Variants in SLC7A2 observed in about 807,000 individuals in gnomAD.
SLC7A2 encodes the protein solute carrier family 7 member 2.
A neutral mutation model predicts 58.9 loss-of-function variants in SLC7A2; 48 were observed. The ratio of observed to expected loss-of-function variants is 0.82; its 90% CI spans 0.65 to 1.04. SLC7A2 has a LOEUF of 1.04. Among genes scored for constraint, SLC7A2 ranks in the 50% least tolerant of loss-of-function variants. SLC7A2 has a pLI of 0.00. For synonymous variants in SLC7A2, 363 were observed against 314.5 expected (o/e 1.15, Z -1.63); for missense variants, 1,029 against 818.8 (o/e 1.26, Z -3.13).
At chr8:17,540,447 AC>A (rs1357378190) in intron 2 of SLC7A2, among the ~76,000 whole-genome samples, 2 of 152,066 alleles carry the variant, frequency 1.3e-5, no homozygotes, top group African/African-American at 4.8e-5. Context: ...CCCATAAAAT[AC>A]TTTTCATCTT....
At chr8:17,560,555 C>T (rs1802923010) in intron 10 of SLC7A2, 22 bp downstream of exon 10, 3 of 1,579,272 alleles carry the variant, frequency 1.9e-6, no homozygotes, top group Non-Finnish European at 2.6e-6. Flanking sequence ...TCTCTGCTTA[C>T]ATTGTACAGA....
At position 17,511,622 on chromosome 8, in the gene SLC7A2, C is replaced by T. The variant is rs895476890; in HGVS notation, c.-23+9320C>T. On this transcript the variant is annotated intron_variant, in intron 2 of 12. Coordinates refer to ENST00000494857, the MANE Select transcript of SLC7A2 (RefSeq NM_001370338.1). ...CAAGTAATATAATCTATCGCTAAACCATTAAACATTATACATTAACATATT... is the reference window on the plus strand; with the variant it reads ...CAAGTAATATAATCTATCGCTAAACTATTAAACATTATACATTAACATATT... 8.5e-4 allele frequency among the ~76,000 whole-genome samples: 130 copies of T among 152,216 alleles called. 1 individual carries two copies. Among genetic ancestry groups the T allele is most frequent in the African/African-American group, 3.0e-3 (123 of 41,514 alleles).
chr8:17,508,980 G>A (rs1800485252), intron 2 of SLC7A2, among the ~76,000 whole-genome samples: 1 of 152,090 alleles, frequency 6.6e-6, no homozygotes, highest in African/African-American at 2.4e-5. Flanking sequence ...AGCTCCTGTG[G>A]CGTGTGTTGG....
At chr8:17,527,596 G>A (rs969345911) in intron 2 of SLC7A2, among the ~76,000 whole-genome samples, 1 of 152,158 alleles carries the variant, frequency 6.6e-6, no homozygotes, top group Non-Finnish European at 1.5e-5. Flanking sequence ...AAACCTGCAG[G>A]GGAGGGTCAT....
intron 2 of SLC7A2, among the ~76,000 whole-genome samples, chr8:17,518,037 G>C (rs912258626): frequency 2.6e-5 from 4 of 152,078 alleles, no homozygotes; most frequent in African/African-American, 9.7e-5. Flanking sequence ...GTTAAATAAA[G>C]TAAGTCAAGA....
At chr8:17,499,451 C>T (rs1442221965) in intron 1 of SLC7A2, among the ~76,000 whole-genome samples, 2 of 150,896 alleles carry the variant, frequency 1.3e-5, no homozygotes, top group African/African-American at 4.9e-5. Flanking sequence ...GAGCCATCTG[C>T]TGGTTTTACT....
intron 1 of SLC7A2, among the ~76,000 whole-genome samples, chr8:17,498,109 G>C (rs770154875): frequency 5.3e-5 from 8 of 152,146 alleles, no homozygotes; most frequent in Non-Finnish European, 1.2e-4. Flanking sequence ...AAAGTACTCA[G>C]CCTCTTCAGA....
chr8:17,514,392 A>T (rs1451767568), intron 2 of SLC7A2, among the ~76,000 whole-genome samples: 1 of 152,044 alleles, frequency 6.6e-6, no homozygotes, highest in Non-Finnish European at 1.5e-5. Flanking sequence ...AGCCCAGAAA[A>T]CCCGTGTTTT....
At chr8:17,548,608 A>G (rs1802288825) in intron 4 of SLC7A2, 70 bp from the exon 5 acceptor site, 1 of 1,076,682 alleles carries the variant, frequency 9.3e-7, no homozygotes, top group African/African-American at 1.6e-5. Context: ...TCCTAAAGTC[A>G]TGTATTTGCC....
At chr8:17,538,205 A>T (rs1236361569) in intron 2 of SLC7A2, among the ~76,000 whole-genome samples, 1 of 152,238 alleles carries the variant, frequency 6.6e-6, no homozygotes, top group Non-Finnish European at 1.5e-5. Flanking sequence ...GGGAGAAAAT[A>T]TCAATGGTTT....
intron 2 of SLC7A2, among the ~76,000 whole-genome samples, chr8:17,541,477 T>C (rs1801908533): frequency 6.6e-6 from 1 of 152,224 alleles, no homozygotes; most frequent in African/African-American, 2.4e-5. Flanking sequence ...GCACAGAAGA[T>C]ACTGAAGATG....
At chr8:17,528,371 C>T (rs1440142623) in intron 2 of SLC7A2, among the ~76,000 whole-genome samples, 1 of 151,962 alleles carries the variant, frequency 6.6e-6, no homozygotes, top group Non-Finnish European at 1.5e-5. Flanking sequence ...TCGGTGTGGC[C>T]ATTACGCTTT....
At chr8:17,564,509 C>T (rs1377673055) in intron 12 of SLC7A2, among the ~76,000 whole-genome samples, 1 of 152,050 alleles carries the variant, frequency 6.6e-6, no homozygotes, top group Non-Finnish European at 1.5e-5. Context: ...GCACCAGGGA[C>T]GGGTTTTGTG....
At position 17,550,308 on chromosome 8, in the gene SLC7A2, C is replaced by A. The variant is rs568837765; in HGVS notation, c.706C>A (p.Pro236Thr). The A allele has an allele frequency of 1.2e-6, 2 of 1,613,682 alleles. No individual in the cohort carries two copies. Among genetic ancestry groups the A allele is most frequent in the East Asian group, 2.2e-5 (1 of 44,886 alleles). The change falls in exon 6 of 13, where the codon CCT becomes ACT. Residue 236 changes from proline to threonine, a missense_variant. Pro to Thr is a conservative substitution (Grantham distance 38). Coordinates refer to ENST00000494857, the MANE Select transcript of SLC7A2 (RefSeq NM_001370338.1). ...KNISASAREP[P>T]SENGTSIYGA... ...GTTTGTTCTCTTTCTTAGAGAGCCA[C>A]CTTCTGAAAACGGAACAAGTATCTA...
At chr8:17,509,792 A>G (rs1288206466) in intron 2 of SLC7A2, among the ~76,000 whole-genome samples, 1 of 152,212 alleles carries the variant, frequency 6.6e-6, no homozygotes, top group Admixed American at 6.5e-5. Flanking sequence ...GGAATCTTCC[A>G]CGTCTCTAAA....
In SLC7A2 at chr8:17,560,354, A is replaced by C. The variant is rs779653458; in HGVS notation, c.1325A>C (p.Gln442Pro). ...TACCAGCCTGGCTTATCTTACGACC[A>C]GCCCAAATGTTCTCCTGAGAAAGAT... ...LRYQPGLSYD[Q>P]PKCSPEKDGL... The change falls in exon 10 of 13, where the codon CAG (glutamine) becomes CCG (proline). Residue 442 changes from glutamine (Q) to proline (P), a missense_variant. Coordinates refer to ENST00000494857, the MANE Select transcript of SLC7A2 (RefSeq NM_001370338.1). 6.2e-7 allele frequency: 1 copy of C among 1,614,142 alleles called. No homozygotes were observed. The highest frequency in any genetic ancestry group is 1.1e-5 in the South Asian group (1 of 91,080).
chr8:17,536,639 C>G lies in SLC7A2; in HGVS notation c.-22-6679C>G, dbSNP rs73666183. Reference sequence around the variant, plus strand: ...CTGTGGGTAAAGGGCAGAACTAATGCAGGCTAAACACTTTAAGTACGGTAT... The same window carrying G: ...CTGTGGGTAAAGGGCAGAACTAATGGAGGCTAAACACTTTAAGTACGGTAT... On this transcript the variant is annotated intron_variant, in intron 2 of 12. Coordinates refer to ENST00000494857, the MANE Select transcript of SLC7A2 (RefSeq NM_001370338.1). Among the ~76,000 whole-genome samples the G allele has an allele frequency of 2.5e-3, 374 of 152,190 alleles. 1 individual carries two copies. The highest frequency in any genetic ancestry group is 8.6e-3 in the African/African-American group (358 of 41,518).
rs1293565083 is a variant in SLC7A2 at position 17,566,371 on chromosome 8, TG to T, written c.*1227del. ...AGGAACGGCCTGTTCCATTGTTAAA[TG>T]GCAAATGGCCCAATTTAAGGGCTTT... On this transcript the variant is annotated 3_prime_UTR_variant, in exon 13 of 13. Coordinates refer to ENST00000494857, the MANE Select transcript of SLC7A2 (RefSeq NM_001370338.1). The T allele has an allele frequency of 9.2e-5, 14 of 152,312 alleles. No individual in the cohort carries two copies. Among genetic ancestry groups the T allele is most frequent in the African/African-American group, 3.4e-4 (14 of 41,574 alleles). The allele number at this position is 152,312 out of a possible 1,614,324, so 9.4% of individuals were successfully genotyped here.
At chr8:17,495,801 C>T (rs1057472680), upstream of SLC7A2, among the ~76,000 whole-genome samples, 3 of 152,194 alleles carry the variant, frequency 2.0e-5, no homozygotes, top group African/African-American at 7.2e-5. Context: ...CGGCGCGCCT[C>T]GGCGTCCCAA....
Sources: allele counts gnomAD v4.1 joint callset (sites outside exome capture counted in the v4.1 genomes callset), GRCh38; gene constraint gnomAD v4.1.1; transcripts MANE v1.5; gene names NCBI Gene and HGNC (gene_info 2026-07-23, HGNC 2026-07-21).